DNMT1: variants seen among roughly 807,000 people sequenced by gnomAD.
DNMT1 encodes DNA methyltransferase 1.
In DNMT1, 24 loss-of-function variants were observed where a neutral mutation model predicts 205.3. The observed-to-expected ratio is 0.12, with a 90% CI of 0.08 to 0.16. DNMT1 has a LOEUF of 0.16. DNMT1 is among the 10% of genes least tolerant of loss of function. The pLI is 1.00. For missense variants in DNMT1, 1,293 were observed against 2,177.7 expected (o/e 0.59, Z 8.09); for synonymous variants, 817 against 839.8 (o/e 0.97, Z 0.47).
chr19:10,160,462 T>C (rs1189795893), intron 13 of DNMT1, 44 bp from the exon 14 acceptor site: 1 of 1,606,064 alleles, frequency 6.2e-7, no homozygotes, highest in African/African-American at 1.3e-5. Context: ...AAGAGAGTGT[T>C]TTACACCCAG....
In DNMT1 at chr19:10,162,672, C is replaced by T. The variant is rs200531080; in HGVS notation, c.1003G>A (p.Glu335Lys). 3 of 1,606,392 alleles carry T rather than the reference C, an allele frequency of 1.9e-6. No homozygotes were observed. Among genetic ancestry groups the T allele is most frequent in the Non-Finnish European group, 1.7e-6 (2 of 1,174,896 alleles). Residue 335 changes from glutamate to lysine, a missense_variant, in exon 13 of 41, where the codon GAA (glutamate) becomes AAA (lysine). Glu to Lys is a moderately conservative substitution (Grantham distance 56, BLOSUM62 1). This residue lies in a region of DNMT1 where 394 missense variants were observed against 451.6 expected (regional missense o/e 0.87). Transcript: ENST00000359526. ...AAGAAAAGTGAGACCTTTACCTTTT[C>T]ATCCTCGTCTTTTTCATCAGAAATC... ...PQISDEKDED[E>K]KEEKRRKTTP...
At position 10,140,421 on chromosome 19, in the gene DNMT1, G is replaced by A; in HGVS notation, c.3524-93C>T. ...GTCTCGCTCTGTCACCCAGGCTGGA[G>A]TGCAGTGGTGTGATCTTGGCTCACT... On this transcript the variant is annotated intron_variant, in intron 32 of 40. Transcript: ENST00000359526. The surrounding 1 kb of genome is among the most constrained non-coding windows in gnomAD (Gnocchi z 8.4). 6.6e-7 allele frequency: 1 copy of A among 1,514,162 alleles called. No individual in the cohort carries two copies. Among genetic ancestry groups the A allele is most frequent in the South Asian group, 1.2e-5 (1 of 84,422 alleles). The allele number at this position is 1,514,162 out of a possible 1,614,324, so 93.8% of individuals were successfully genotyped here. A position where few individuals can be genotyped will look rare whatever the true frequency, so the allele number is the denominator to read the frequency against.
Position 10,134,276 on chromosome 19 carries a change from T to G in DNMT1, c.4805A>C (p.Lys1602Thr). Residue 1602 changes from lysine (K) to threonine (T), a missense_variant, in exon 40 of 41, where the codon AAA becomes ACA. Around this residue, in one of 13 missense-constraint regions of DNMT1, gnomAD observed 37 missense variants for 36.3 expected, o/e 1.02. Transcript: ENST00000359526. ...AAGCTTGATCTCCAAGCCAATGGCT[T>G]TGGCCAGGGGCGGTGGCACGGCATT... ...VGNAVPPPLA[K>T]AIGLEIKLCM... The G allele has an allele frequency of 1.2e-6, 2 of 1,614,162 alleles. No homozygotes were observed. Among genetic ancestry groups the G allele is most frequent in the East Asian group, 2.2e-5 (1 of 44,888 alleles).
Position 10,182,463 on chromosome 19 carries a change from GTGTGTATATATATACATATATATGTGTA to G in DNMT1, c.81-414_81-387del, listed in dbSNP as rs1568256273. ...TATACATATATATGTGTATATATATGTGTGTATATATATACATATATATGTGTATATATATGTGTGTATATATATACAT... is the reference window on the plus strand; with the variant it reads ...TATACATATATATGTGTATATATATGTATATATGTGTGTATATATATACAT... On this transcript the variant is annotated intron_variant, in intron 1 of 40. Transcript: ENST00000359526. Among the ~76,000 whole-genome samples the G allele has an allele frequency of 5.1e-5, 6 of 118,460 alleles. No homozygotes were observed. In the East Asian group the frequency reaches 1.1e-3, roughly 22 times the overall value. The allele number at this position is 118,460 out of a possible 152,430, so 77.7% of individuals were successfully genotyped here.
intron 1 of DNMT1, among the ~76,000 whole-genome samples, chr19:10,186,020 G>A (rs927521476): frequency 2.6e-5 from 4 of 152,010 alleles, no homozygotes; most frequent in African/African-American, 9.7e-5. Context: ...TGGTAATAGC[G>A]TTACACTTGA....
chr19:10,140,919 A>G lies in DNMT1; in HGVS notation c.3395-10T>C. On this transcript the variant is annotated splice_polypyrimidine_tract_variant and intron_variant, in intron 31 of 40. Transcript: ENST00000359526. This position sits in a 1 kb window ranked among gnomAD's most constrained non-coding sequence, Gnocchi z 8.4. ...TTGGGCTTGCCCTTCCCTGGGGGAG[A>G]GAGGCCAGAGGCTAAACCCGATCCT... 6.2e-7 allele frequency: 1 copy of G among 1,613,706 alleles called. No homozygotes were observed. Among genetic ancestry groups the G allele is most frequent in the Non-Finnish European group, 8.5e-7 (1 of 1,179,996 alleles).
chr19:10,135,916 G>A, intron 38 of DNMT1, 64 bp from the exon 39 acceptor site: 1 of 1,522,616 alleles, frequency 6.6e-7, no homozygotes. Flanking sequence ...GTCGGGGACA[G>A]GGAGGGAAAT....
chr19:10,172,482 G>A (rs904819611), intron 9 of DNMT1, among the ~76,000 whole-genome samples: 1 of 151,504 alleles, frequency 6.6e-6, no homozygotes, highest in African/African-American at 2.4e-5. Context: ...ATCAGCCAGA[G>A]AAGCAAGAAG....
intron 29 of DNMT1, among the ~76,000 whole-genome samples, chr19:10,143,222 C>G (rs547783144): frequency 6.6e-6 from 1 of 152,068 alleles, no homozygotes; most frequent in East Asian, 1.9e-4. Context: ...GCACTCTACC[C>G]GTTTTTTCTT....
At chr19:10,163,867 AC>A in intron 11 of DNMT1, among the ~76,000 whole-genome samples, 2 of 152,026 alleles carry the variant, frequency 1.3e-5, no homozygotes, top group African/African-American at 4.8e-5. Flanking sequence ...ACATGCTGAG[AC>A]CCCATCTCTG....
At chr19:10,157,665 C>T (rs1425186389) in intron 17 of DNMT1, among the ~76,000 whole-genome samples, 2 of 152,234 alleles carry the variant, frequency 1.3e-5, no homozygotes, top group Non-Finnish European at 1.5e-5. Context: ...GCCAGAAAGG[C>T]TCAAACAAAA....
chr19:10,141,438 A>C (rs1432450906), intron 30 of DNMT1: 7 of 508,128 alleles, frequency 1.4e-5, no homozygotes, highest in Non-Finnish European at 2.1e-5. Context: ...TACCTTCTAG[A>C]ACAGGAAAAA....
Position 10,173,090 on chromosome 19 carries a change from T to A in DNMT1, c.768A>T (p.Lys256Asn), listed in dbSNP as rs2038855952. ...AAACTTAGAGGTGATAGAGCTTTAC[T>A]TTTTCATCTCTTTCTTCTTCCTTTT... The part of the protein sequence containing the change: ...RTEKEEERDE[K>N]EEKRLRSQTK... Residue 256 changes from lysine to asparagine, a missense_variant and splice_region_variant, in exon 9 of 41, where the codon AAA (lysine) becomes AAT (asparagine). This residue lies in a region of DNMT1 where 394 missense variants were observed against 451.6 expected (regional missense o/e 0.87). Transcript: ENST00000359526. The A allele has an allele frequency of 6.2e-7, 1 of 1,614,070 alleles. No homozygotes were observed. The highest frequency in any genetic ancestry group is 1.3e-5 in the African/African-American group (1 of 74,928).
Position 10,155,884 on chromosome 19 carries a change from T to C in DNMT1, c.1461A>G (p.Gly487=). 1 of 1,613,804 alleles carries C rather than the reference T, an allele frequency of 6.2e-7. No homozygotes were observed. Among genetic ancestry groups the C allele is most frequent in the South Asian group, 1.1e-5 (1 of 91,012 alleles). ...INEWWITGFD[G]GEKALIGFST... ...TGAAGCCGATGAGGGCCTTTTCACC[T>C]CCATCAAAGCCAGTGATCCACCATT... The change falls in exon 19 of 41, where the codon GGA becomes GGG. Residue 487 remains glycine (G), a synonymous_variant. Transcript: ENST00000359526.
In DNMT1 at chr19:10,159,077, A is replaced by G. The variant is rs898511144; in HGVS notation, c.1280+581T>C. The stretch of plus-strand genomic sequence containing the variant: ...CAGCTACATCCACGACACCTAGATC[A>G]CTGGTACCTAGCACAGAGTAGGCCT... On this transcript the variant is annotated intron_variant, in intron 17 of 40. Coordinates refer to ENST00000359526, the MANE Select transcript of DNMT1 (RefSeq NM_001130823.3). This position sits in a 1 kb window ranked among gnomAD's most constrained non-coding sequence, Gnocchi z 5.0. Among the ~76,000 whole-genome samples, 1 of 152,128 alleles carries G rather than the reference A, an allele frequency of 6.6e-6. No individual in the cohort carries two copies. The highest frequency in any genetic ancestry group is 1.5e-5 in the Non-Finnish European group (1 of 68,024).
In DNMT1 at chr19:10,136,241, G is replaced by A. The variant is rs2089479246; in HGVS notation, c.4536C>T (p.Ile1512=). 3 of 1,614,146 alleles carry A rather than the reference G, an allele frequency of 1.9e-6. No homozygotes were observed. Among genetic ancestry groups the A allele is most frequent in the East Asian group, 2.2e-5 (1 of 44,882 alleles). Residue 1512 remains isoleucine, a synonymous_variant, in exon 38 of 41, where the codon ATC becomes ATT. Coordinates refer to ENST00000359526, the MANE Select transcript of DNMT1 (RefSeq NM_001130823.3). ...DPAARQFNTL[I]PWCLPHTGNR... is the part of the protein sequence containing the mutation. ...TCCCGGTGTGGGGCAGGCACCAGGG[G>A]ATGAGGGTGTTGAACTGCCTGGCTG... is the stretch of plus-strand genomic sequence containing the variant.
chr19:10,156,625 T>C lies in DNMT1; in HGVS notation c.1281-116A>G. The C allele has an allele frequency of 1.3e-6, 1 of 779,798 alleles. No individual in the cohort carries two copies. The highest frequency in any genetic ancestry group is 3.2e-4 in the Middle Eastern group (1 of 3,116). The allele number at this position is 779,798 out of a possible 1,614,324, so 48.3% of individuals were successfully genotyped here. On this transcript the variant is annotated intron_variant, in intron 17 of 40. Coordinates refer to ENST00000359526, the MANE Select transcript of DNMT1 (RefSeq NM_001130823.3). The surrounding 1 kb of genome is among the most constrained non-coding windows in gnomAD (Gnocchi z 4.2). ...ATGTACAAGTCTGACACTCTTTTTT[T>C]GTTTGTTTTTGAGACAGAGTCTTGC...
Position 10,137,631 on chromosome 19 carries a change from A to T in DNMT1, c.4293+201T>A. 1 of 774,766 alleles carries T rather than the reference A, an allele frequency of 1.3e-6. No homozygotes were observed. The highest frequency in any genetic ancestry group is 2.1e-6 in the Non-Finnish European group (1 of 477,240). 48.0% of individuals were successfully genotyped at this position (774,766 alleles called of 1,614,324 possible). A position where few individuals can be genotyped will look rare whatever the true frequency, so the allele number is the denominator to read the frequency against. ...GGGCAGTGGCTTGACACCATTCCAGACCAAGTCCAGGACTGCGGGAGCTCT... is the reference window on the plus strand; with the variant it reads ...GGGCAGTGGCTTGACACCATTCCAGTCCAAGTCCAGGACTGCGGGAGCTCT... On this transcript the variant is annotated intron_variant, in intron 36 of 40. Coordinates refer to ENST00000359526, the MANE Select transcript of DNMT1 (RefSeq NM_001130823.3). The surrounding 1 kb of genome is among the most constrained non-coding windows in gnomAD (Gnocchi z 6.4).
intron 37 of DNMT1, 41 bp from the exon 38 acceptor site, chr19:10,136,328 G>T: frequency 6.2e-7 from 1 of 1,610,540 alleles, no homozygotes. Context: ...TTGTGGGATG[G>T]GGTATAGGCT....
Sources: gnomAD v4.1 joint callset for allele counts (sites outside exome capture counted in the v4.1 genomes callset) on GRCh38, gnomAD v4.1.1 for gene constraint, gnomAD v4.1.1 regional missense constraint, Gnocchi (gnomAD v3.1) non-coding constraint, MANE v1.5 for transcripts, NCBI Gene and HGNC (gene_info 2026-07-23, HGNC 2026-07-21) for gene names.